Variants in RSU1 observed in about 807,000 individuals in gnomAD.
The protein encoded by RSU1 is rsu-1.
Under a neutral mutation model 31.1 loss-of-function variants are expected in RSU1, and 26 were observed. That is an observed-to-expected ratio of 0.84 (90% CI 0.61 to 1.16). The LOEUF (loss-of-function observed/expected upper bound fraction) is 1.16. Among genes scored for constraint, RSU1 ranks in the 50% most tolerant of loss-of-function variants. The pLI is 0.00. For missense variants in RSU1, 320 were observed against 339.1 expected (o/e 0.94, Z 0.44); for synonymous variants, 164 against 136.3 (o/e 1.20, Z -1.41).
chr10:16,729,054 T>A (rs935457559), intron 7 of RSU1, among the ~76,000 whole-genome samples: 1 of 152,256 alleles, frequency 6.6e-6, no homozygotes, highest in Non-Finnish European at 1.5e-5. Context: ...TAAGGCACTA[T>A]GCAAACATAT....
chr10:16,599,332 T>C (rs1337896281), intron 8 of RSU1, among the ~76,000 whole-genome samples: 1 of 152,132 alleles, frequency 6.6e-6, no homozygotes, highest in Non-Finnish European at 1.5e-5. Flanking sequence ...CTCCATCTCC[T>C]TCACCTGGGA....
intron 8 of RSU1, among the ~76,000 whole-genome samples, chr10:16,632,896 G>C (rs1175068431): frequency 6.6e-6 from 1 of 152,098 alleles, no homozygotes; most frequent in Admixed American, 6.5e-5. Context: ...AGTGAGCCAA[G>C]ATCATGCCAC....
chr10:16,668,829 T>C (rs77407619), intron 8 of RSU1, among the ~76,000 whole-genome samples: 5,380 of 152,294 alleles, frequency 0.035, 318 homozygotes, highest in African/African-American at 0.12. Context: ...GTGATGTCAA[T>C]TTGCCGTTTC....
intron 8 of RSU1, among the ~76,000 whole-genome samples, chr10:16,654,146 G>A (rs1315933318): frequency 2.0e-5 from 3 of 151,656 alleles, no homozygotes; most frequent in East Asian, 2.0e-4. Flanking sequence ...GGGATTACAC[G>A]CGCACACCAT....
At chr10:16,742,481 TTTTTTC>T (rs1836773363) in intron 7 of RSU1, among the ~76,000 whole-genome samples, 1 of 152,114 alleles carries the variant, frequency 6.6e-6, no homozygotes, top group Non-Finnish European at 1.5e-5. Flanking sequence ...ACCTTGCTTT[TTTTTTC>T]TTTTAACATA....
chr10:16,783,441 C>G (rs534328220), intron 2 of RSU1, among the ~76,000 whole-genome samples: 1 of 149,782 alleles, frequency 6.7e-6, no homozygotes, highest in African/African-American at 2.5e-5. Context: ...CTGCAATTTC[C>G]GCCTCCCAAG....
At chr10:16,677,538 A>C (rs905275665) in intron 8 of RSU1, among the ~76,000 whole-genome samples, 2 of 152,224 alleles carry the variant, frequency 1.3e-5, no homozygotes, top group Non-Finnish European at 2.9e-5. Context: ...AAACCAGAGT[A>C]AACCCAAGTC....
intron 6 of RSU1, 54 bp downstream of exon 6, chr10:16,752,864 C>T: frequency 1.3e-6 from 2 of 1,495,328 alleles, no homozygotes; most frequent in Non-Finnish European, 1.9e-6. Context: ...GATTCTACCC[C>T]TACAAGGCTG....
intron 7 of RSU1, chr10:16,727,187 G>C (rs1233779875): frequency 2.2e-6 from 1 of 456,386 alleles, no homozygotes; most frequent in Non-Finnish European, 4.4e-6. Flanking sequence ...TGACTTCAGA[G>C]TGGACTCACC....
intron 4 of RSU1, among the ~76,000 whole-genome samples, chr10:16,756,978 G>A (rs575561393): frequency 4.7e-5 from 7 of 150,510 alleles, no homozygotes; most frequent in Non-Finnish European, 8.9e-5. Flanking sequence ...TGAGTGTGGT[G>A]TGGTGTGTGT....
intron 8 of RSU1, among the ~76,000 whole-genome samples, chr10:16,680,620 GGGGA>G (rs1467902839): frequency 6.6e-6 from 1 of 152,056 alleles, no homozygotes; most frequent in Admixed American, 6.6e-5. Context: ...GGAAAGGGAA[GGGGA>G]GGGAGGGAGG....
chr10:16,645,956 ACATATATGTG>A lies in RSU1; in HGVS notation c.731+49057_731+49066del, dbSNP rs1247250886. Reference sequence around the variant, plus strand: ...CATATGTGTATATATATGTGTATATACATATATGTGTATATATATGTGTATATACATATAT... The same window carrying A: ...CATATGTGTATATATATGTGTATATATATATATATGTGTATATACATATAT... On this transcript the variant is annotated intron_variant, in intron 8 of 8. Transcript: ENST00000345264. 1.3e-3 allele frequency among the ~76,000 whole-genome samples: 77 copies of A among 60,314 alleles called. 8 individuals carry two copies. The highest frequency in any genetic ancestry group is 2.9e-3 in the South Asian group (4 of 1,394). The allele number at this position is 60,314 out of a possible 152,430, so 39.6% of individuals were successfully genotyped here.
chr10:16,758,664 C>T (rs1837145001), intron 4 of RSU1, among the ~76,000 whole-genome samples: 1 of 152,146 alleles, frequency 6.6e-6, no homozygotes, highest in Non-Finnish European at 1.5e-5. Context: ...ATCCGAAGCA[C>T]CCAACACCCA....
At chr10:16,698,642 G>C (rs1835727794) in intron 7 of RSU1, among the ~76,000 whole-genome samples, 2 of 152,132 alleles carry the variant, frequency 1.3e-5, no homozygotes, top group African/African-American at 4.8e-5. Context: ...TCTCTATTTA[G>C]GTGCTGTCAG....
intron 8 of RSU1, among the ~76,000 whole-genome samples, chr10:16,645,929 CACATATGTGTAT>C (rs1231131086): frequency 0.014 from 121 of 8,876 alleles, 22 homozygotes; most frequent in African/African-American, 0.019. Context: ...TGTGTATATA[CACATATGTGTAT>C]ATATATGTGT....
intron 3 of RSU1, among the ~76,000 whole-genome samples, chr10:16,768,213 C>A (rs1233823304): frequency 1.3e-5 from 2 of 152,328 alleles, no homozygotes; most frequent in Admixed American, 6.5e-5. Context: ...CCTCACTCAA[C>A]TCATAACCTC....
chr10:16,648,132 A>AAAT (rs1554763092), intron 8 of RSU1, among the ~76,000 whole-genome samples: 2 of 133,546 alleles, frequency 1.5e-5, no homozygotes, highest in African/African-American at 7.2e-5. Context: ...AAAAAAAAAA[A>AAAT]TTTTTTTTTT....
chr10:16,657,402 C>G (rs1834804193), intron 8 of RSU1, among the ~76,000 whole-genome samples: 1 of 151,646 alleles, frequency 6.6e-6, no homozygotes, highest in Non-Finnish European at 1.5e-5. Context: ...TCACTAAATA[C>G]TGAAAGTTAT....
At chr10:16,705,830 G>C (rs1835887588) in intron 7 of RSU1, among the ~76,000 whole-genome samples, 1 of 152,060 alleles carries the variant, frequency 6.6e-6, no homozygotes, top group Admixed American at 6.6e-5. Context: ...CCTTTTTTGA[G>C]AGATGCTGTC....
Sources: allele counts gnomAD v4.1 joint callset (sites outside exome capture counted in the v4.1 genomes callset), GRCh38; gene constraint gnomAD v4.1.1; transcripts MANE v1.5; gene names NCBI Gene and HGNC (gene_info 2026-07-23, HGNC 2026-07-21).